KIF18A: variants seen among roughly 807,000 people sequenced by gnomAD.
KIF18A encodes the protein kinesin-like protein KIF18A.
A neutral mutation model predicts 103.3 loss-of-function variants in KIF18A; 67 were observed. The ratio of observed to expected loss-of-function variants is 0.65; its 90% confidence interval spans 0.53 to 0.79. The LOEUF is 0.79. Ranked by LOEUF, KIF18A falls within the 30% of genes least tolerant of loss-of-function variation. The probability of loss-of-function intolerance (pLI) is 0.00; values close to 1 mark genes in which losing one functional copy is unlikely to be tolerated. For missense variants in KIF18A, 1,032 were observed against 1,062.5 expected (o/e 0.97, Z 0.40); for synonymous variants, 367 against 355.5 (o/e 1.03, Z -0.36).
chr11:28,108,148 C>T lies in KIF18A; in HGVS notation c.-131G>A, dbSNP rs2133576334. ...AATGTCCGCCTCCCAGCGCTTCAGA[C>T]TCAACCACAATATTCAAACCCAAGC... On this transcript the variant is annotated 5_prime_UTR_variant, in exon 1 of 17. Coordinates refer to ENST00000263181, the MANE Select transcript of KIF18A (RefSeq NM_031217.4). 2 of 152,592 alleles carry T rather than the reference C, an allele frequency of 1.3e-5. No individual in the cohort carries two copies. The highest frequency in any genetic ancestry group is 1.9e-4 in the East Asian group (1 of 5,176). The allele number at this position is 152,592 out of a possible 1,614,324, so 9.5% of individuals were successfully genotyped here. A position where few individuals can be genotyped will look rare whatever the true frequency, so the allele number is the denominator to read the frequency against.
intron 10 of KIF18A, among the ~76,000 whole-genome samples, chr11:28,070,931 C>T (rs1166673981): frequency 6.6e-6 from 1 of 152,128 alleles, no homozygotes; most frequent in Non-Finnish European, 1.5e-5. Flanking sequence ...CCTGTAGTTC[C>T]AGCTACTTGG....
intron 3 of KIF18A, among the ~76,000 whole-genome samples, chr11:28,091,792 T>TAA: frequency 6.6e-6 from 1 of 152,370 alleles, no homozygotes; most frequent in African/African-American, 2.4e-5. Flanking sequence ...GAAACAGAGA[T>TAA]AAGTAAGATA....
At chr11:28,026,926 A>G (rs1043903144) in intron 15 of KIF18A, among the ~76,000 whole-genome samples, 2 of 151,848 alleles carry the variant, frequency 1.3e-5, no homozygotes, top group African/African-American at 4.8e-5. Context: ...TCAAATTTGT[A>G]CCTTAGCAAA....
At position 28,058,979 on chromosome 11, in the gene KIF18A, A is replaced by G; in HGVS notation, c.1895T>C (p.Ile632Thr). 6.2e-7 allele frequency: 1 copy of G among 1,614,100 alleles called. No individual in the cohort carries two copies. The highest frequency in any genetic ancestry group is 8.5e-7 in the Non-Finnish European group (1 of 1,179,990). ...EQPKQNDLPGISVLMTFPQLG... is the reference protein window; with the variant it reads ...EQPKQNDLPGTSVLMTFPQLG... ...TTGTGGAAAGGTCATAAGAACAGAA[A>G]TCCCTGGTAGATCGTTTTGCTTTGG... The change falls in exon 13 of 17, where the codon ATT becomes ACT. Residue 632 changes from isoleucine to threonine, a missense_variant. Coordinates refer to ENST00000263181, the MANE Select transcript of KIF18A (RefSeq NM_031217.4).
At chr11:28,076,748 A>G (rs149746697) in intron 10 of KIF18A, 152 of 186,174 alleles carry the variant, frequency 8.2e-4, no homozygotes, top group African/African-American at 3.4e-3. Context: ...AGCATGGCCA[A>G]CATTGTGAAA....
chr11:28,066,138 A>G (rs1348438417), intron 11 of KIF18A, among the ~76,000 whole-genome samples: 1 of 152,004 alleles, frequency 6.6e-6, no homozygotes, highest in Non-Finnish European at 1.5e-5. Flanking sequence ...TAACCAAAAG[A>G]CTTAGTTTTA....
At chr11:28,061,187 T>A (rs529528299) in intron 12 of KIF18A, among the ~76,000 whole-genome samples, 11 of 152,208 alleles carry the variant, frequency 7.2e-5, no homozygotes, top group Admixed American at 5.2e-4. Context: ...AAACTTTATA[T>A]GAAATGTATT....
intron 13 of KIF18A, among the ~76,000 whole-genome samples, chr11:28,056,393 A>C (rs572031771): frequency 6.6e-6 from 1 of 152,080 alleles, no homozygotes; most frequent in Non-Finnish European, 1.5e-5. Flanking sequence ...AAACTGAAGA[A>C]TGTGAGAAAC....
rs1305969832 is a variant in KIF18A at position 28,023,861 on chromosome 11, A to T, written c.2505-11T>A. On this transcript the variant is annotated splice_polypyrimidine_tract_variant and intron_variant, in intron 15 of 16. Coordinates refer to ENST00000263181, the MANE Select transcript of KIF18A (RefSeq NM_031217.4). ...CTGTTTGATGTAGAACTTGAGAGGA[A>T]AAGTTTTTAATTTAGTTAAGCATTT... 1.3e-5 allele frequency: 20 copies of T among 1,537,076 alleles called. No homozygotes were observed. The East Asian group carries it at 4.5e-4, about 35-fold the overall frequency.
intron 1 of KIF18A, among the ~76,000 whole-genome samples, chr11:28,098,560 A>C (rs1590713404): frequency 6.6e-6 from 1 of 152,160 alleles, no homozygotes; most frequent in South Asian, 2.1e-4. Context: ...TAGGGTTAAA[A>C]ATAGTTCCAA....
rs1184893968 is a variant in KIF18A, at chr11:28,049,901, A to C, written c.1948+9025T>G. On this transcript the variant is annotated intron_variant, in intron 13 of 16. Transcript: ENST00000263181. ...AAGATACGTAAACTTATCTTATAAG[A>C]TAAAGTACCATTAAATTAACCAAAT... Among the ~76,000 whole-genome samples, 5 of 151,982 alleles carry C rather than the reference A, an allele frequency of 3.3e-5. No individual in the cohort carries two copies. The East Asian group carries it at 7.7e-4, about 24-fold the overall frequency.
chr11:28,053,008 A>G (rs535260782), intron 13 of KIF18A, among the ~76,000 whole-genome samples: 2 of 152,352 alleles, frequency 1.3e-5, no homozygotes, highest in Admixed American at 6.5e-5. Context: ...CAAAGTATCA[A>G]CAAGCATTGC....
chr11:28,050,723 A>G (rs1055055096), intron 13 of KIF18A, among the ~76,000 whole-genome samples: 1 of 151,828 alleles, frequency 6.6e-6, no homozygotes, highest in Non-Finnish European at 1.5e-5. Context: ...TCAGTTCCAT[A>G]AATAAATTTT....
chr11:28,065,043 G>A (rs1850901350), intron 11 of KIF18A, among the ~76,000 whole-genome samples: 1 of 152,078 alleles, frequency 6.6e-6, no homozygotes, highest in Non-Finnish European at 1.5e-5. Flanking sequence ...ATGAACGAAA[G>A]CAGAAGGACC....
chr11:28,082,789 CATAAA>C, intron 9 of KIF18A, 62 bp downstream of exon 9: 1 of 936,884 alleles, frequency 1.1e-6, no homozygotes. Flanking sequence ...TGATAATTAA[CATAAA>C]ATACTTAACA....
chr11:28,103,549 T>A (rs1213053786), intron 1 of KIF18A, among the ~76,000 whole-genome samples: 2 of 152,096 alleles, frequency 1.3e-5, no homozygotes, highest in Non-Finnish European at 2.9e-5. Flanking sequence ...TTATGATTAT[T>A]ATGCATGATT....
intron 16 of KIF18A, among the ~76,000 whole-genome samples, chr11:28,022,152 CT>C (rs536536367): frequency 2.6e-5 from 4 of 151,966 alleles, no homozygotes; most frequent in Non-Finnish European, 4.4e-5. Flanking sequence ...TCATCTCCCA[CT>C]TTTTTTTCCC....
chr11:28,059,240 C>T lies in KIF18A; in HGVS notation c.1713-79G>A, dbSNP rs986868953. ...TTATTTTAGTTCTTTTATGTAACACCCAAAGCATTAGCATATCATTAAAAT... is the reference window on the plus strand; with the variant it reads ...TTATTTTAGTTCTTTTATGTAACACTCAAAGCATTAGCATATCATTAAAAT... On this transcript the variant is annotated intron_variant, in intron 12 of 16. Transcript: ENST00000263181. 11 of 951,284 alleles carry T rather than the reference C, an allele frequency of 1.2e-5. No homozygotes were observed. The African/African-American group carries it at 1.6e-4, about 14-fold the overall frequency. The allele number at this position is 951,284 out of a possible 1,614,324, so 58.9% of individuals were successfully genotyped here.
intron 6 of KIF18A, among the ~76,000 whole-genome samples, chr11:28,087,692 AC>A (rs1314962863): frequency 2.0e-5 from 3 of 152,154 alleles, no homozygotes; most frequent in Non-Finnish European, 2.9e-5. Context: ...CAACTAATTT[AC>A]ACTCCCACCA....
Sources: allele counts gnomAD v4.1 joint callset (sites outside exome capture counted in the v4.1 genomes callset), GRCh38; gene constraint gnomAD v4.1.1; transcripts MANE v1.5; gene names NCBI Gene and HGNC (gene_info 2026-07-23, HGNC 2026-07-21).